FAM222B: variants seen among roughly 807,000 people sequenced by gnomAD.
The protein encoded by FAM222B is protein FAM222B.
In FAM222B, 12 loss-of-function variants were observed where a neutral mutation model predicts 38.0. The observed-to-expected ratio is 0.32, with a 90% CI of 0.20 to 0.51. FAM222B has a LOEUF of 0.51. Ranked by LOEUF, FAM222B falls within the 20% of genes least tolerant of loss-of-function variation. The pLI, the probability that FAM222B is intolerant of heterozygous loss-of-function variation, is 0.97. For missense variants in FAM222B, 716 were observed against 754.2 expected (o/e 0.95, Z 0.59); for synonymous variants, 329 against 317.2 (o/e 1.04, Z -0.40).
In FAM222B at chr17:28,775,354, G is replaced by C. The variant is rs1047394146; in HGVS notation, c.-40-8647C>G. Among the ~76,000 whole-genome samples, 6 of 151,462 alleles carry C rather than the reference G, an allele frequency of 4.0e-5. No homozygotes were observed. In the East Asian group the frequency reaches 1.2e-3, roughly 29 times the overall value. ...AGGCATTTTTCCGTGGGGAATGGGG[G>C]ATAAAGTGATCTCTAGAGAGCTCAC... On this transcript the variant is annotated intron_variant, in intron 1 of 2. Transcript: ENST00000581407.
upstream of FAM222B, among the ~76,000 whole-genome samples, chr17:28,846,348 C>T (rs1268330634): frequency 2.0e-5 from 3 of 151,064 alleles, no homozygotes; most frequent in East Asian, 3.9e-4. Flanking sequence ...CCTAAGGAAC[C>T]GAGTGAGACT....
At chr17:28,848,323 G>GT (rs538011799) in intron 1 of FAM222B, among the ~76,000 whole-genome samples, 17 of 152,244 alleles carry the variant, frequency 1.1e-4, no homozygotes, top group South Asian at 4.1e-4. Context: ...TTGGTTCCGA[G>GT]TTGTGTGCTC....
chr17:28,817,796 T>A (rs1301407293), intron 1 of FAM222B, among the ~76,000 whole-genome samples: 1 of 152,074 alleles, frequency 6.6e-6, no homozygotes, highest in African/African-American at 2.4e-5. Flanking sequence ...TGGGAGACTA[T>A]GGATATGGGA....
chr17:28,781,759 T>C (rs947264434), intron 1 of FAM222B, among the ~76,000 whole-genome samples: 1 of 152,180 alleles, frequency 6.6e-6, no homozygotes, highest in African/African-American at 2.4e-5. Context: ...GGACATTATG[T>C]TAAGTGAAAT....
At chr17:28,787,754 T>C (rs1218523021) in intron 1 of FAM222B, among the ~76,000 whole-genome samples, 1 of 152,090 alleles carries the variant, frequency 6.6e-6, no homozygotes, top group East Asian at 1.9e-4. Context: ...ATAAAGATTC[T>C]GAAATTCACT....
intron 1 of FAM222B, among the ~76,000 whole-genome samples, chr17:28,780,930 A>G (rs2036141973): frequency 6.6e-6 from 1 of 152,030 alleles, no homozygotes; most frequent in African/African-American, 2.4e-5. Flanking sequence ...GACAATCTAC[A>G]GGGAGAGAGA....
chr17:28,773,347 T>C (rs1014162063), intron 1 of FAM222B, among the ~76,000 whole-genome samples: 1 of 149,950 alleles, frequency 6.7e-6, no homozygotes, highest in Non-Finnish European at 1.5e-5. Context: ...CCGGGCGTGG[T>C]GGTGGGTGCC....
chr17:28,778,679 T>TGTG (rs1555573104), intron 1 of FAM222B, among the ~76,000 whole-genome samples: 6 of 110,208 alleles, frequency 5.4e-5, no homozygotes, highest in South Asian at 6.4e-4. Context: ...AATTTTTTTT[T>TGTG]TGTGTGTGTG....
chr17:28,771,836 C>A (rs1413717110), intron 1 of FAM222B, among the ~76,000 whole-genome samples: 2 of 152,084 alleles, frequency 1.3e-5, no homozygotes, highest in South Asian at 4.1e-4. Context: ...GGGCGGATCA[C>A]GAGGTCAGGA....
chr17:28,851,392 G>T (rs2039179945), intron 1 of FAM222B, among the ~76,000 whole-genome samples: 1 of 151,582 alleles, frequency 6.6e-6, no homozygotes, highest in South Asian at 2.1e-4. Flanking sequence ...AAATTAGCCG[G>T]GCGTGGTGGC....
intron 1 of FAM222B, among the ~76,000 whole-genome samples, chr17:28,807,919 C>T (rs1597982051): frequency 6.6e-6 from 1 of 152,180 alleles, no homozygotes; most frequent in African/African-American, 2.4e-5. Context: ...AAGTTTGTAT[C>T]GGAAAGGTAA....
At position 28,758,392 on chromosome 17, in the gene FAM222B, G is replaced by A; in HGVS notation, c.1567C>T (p.Gln523Ter). Residue 523 changes from glutamine to a stop codon, truncating the protein, a stop_gained, in exon 3 of 3, where the codon CAG becomes TAG. Transcript: ENST00000581407. LOFTEE classifies it high-confidence loss of function. ...AGGCTCTGTTCTCGGAAGCAGGCCT[G>A]TTGGAAATCCCCACTTAGGTAATCC... is the stretch of plus-strand genomic sequence containing the variant. ...TVDYLSGDFQ[Q>*]ACFREQSLAM... 2 of 1,613,976 alleles carry A rather than the reference G, an allele frequency of 1.2e-6. No individual in the cohort carries two copies. The highest frequency in any genetic ancestry group is 1.7e-6 in the Non-Finnish European group (2 of 1,179,896).
At chr17:28,808,440 G>A (rs2037591505) in intron 1 of FAM222B, among the ~76,000 whole-genome samples, 1 of 152,162 alleles carries the variant, frequency 6.6e-6, no homozygotes, top group Non-Finnish European at 1.5e-5. Context: ...GACAGCTCTG[G>A]CCTTCACTGA....
chr17:28,765,564 A>G (rs1404947217), intron 2 of FAM222B, among the ~76,000 whole-genome samples: 1 of 152,180 alleles, frequency 6.6e-6, no homozygotes, highest in African/African-American at 2.4e-5. Flanking sequence ...TGTGCTCTGA[A>G]TGGAAGGTCT....
chr17:28,811,439 A>AAAAAAC (rs895190979), intron 1 of FAM222B, among the ~76,000 whole-genome samples: 8 of 152,290 alleles, frequency 5.3e-5, no homozygotes, highest in East Asian at 1.9e-4. Flanking sequence ...GACTCGTCTC[A>AAAAAAC]AAAAACAAAA....
intron 2 of FAM222B, 80 bp downstream of exon 2, chr17:28,766,506 C>G: frequency 8.6e-7 from 1 of 1,164,906 alleles, no homozygotes; most frequent in Non-Finnish European, 1.3e-6. Context: ...CAGTGTACCC[C>G]AGATGTGCTT....
intron 2 of FAM222B, among the ~76,000 whole-genome samples, chr17:28,762,441 C>A (rs1464045086): frequency 7.2e-6 from 1 of 138,122 alleles, no homozygotes; most frequent in Non-Finnish European, 1.6e-5. Context: ...GCCTGCCCAG[C>A]ATGGTGAAAC....
intron 1 of FAM222B, among the ~76,000 whole-genome samples, chr17:28,827,160 C>T (rs1424035727): frequency 6.6e-6 from 1 of 151,810 alleles, no homozygotes; most frequent in East Asian, 1.9e-4. Flanking sequence ...AAGAAAAAAA[C>T]AGCCTGGACA....
chr17:28,827,941 C>G (rs1269137112), intron 1 of FAM222B, among the ~76,000 whole-genome samples: 4 of 151,562 alleles, frequency 2.6e-5, no homozygotes, highest in African/African-American at 7.3e-5. Flanking sequence ...CTGTAACTGT[C>G]AGAGTTAAGA....
Sources: allele counts gnomAD v4.1 joint callset (sites outside exome capture counted in the v4.1 genomes callset), GRCh38; gene constraint gnomAD v4.1.1; transcripts MANE v1.5; gene names NCBI Gene and HGNC (gene_info 2026-07-23, HGNC 2026-07-21).